GSG1L2: variants seen among roughly 807,000 people sequenced by gnomAD.
GSG1L2 encodes the protein germ cell-specific gene 1-like protein 2.
A neutral mutation model predicts 9.0 loss-of-function variants in GSG1L2; 15 were observed. The ratio of observed to expected loss-of-function variants is 1.67; its 90% confidence interval spans 1.12 to 2.57. GSG1L2 has a LOEUF of 2.57. Ranked by LOEUF, GSG1L2 falls within the 30% of genes most tolerant of loss-of-function variation. The pLI, the probability that GSG1L2 is intolerant of heterozygous loss-of-function variation, is 0.00. For synonymous variants in GSG1L2, 127 were observed against 57.9 expected, an observed-to-expected ratio of 2.19 and a Z score of -5.41; for missense variants, 286 against 150.3, an observed-to-expected ratio of 1.90 and a Z score of -4.72.
intron 1 of GSG1L2, among the ~76,000 whole-genome samples, chr17:9,818,501 A>ATTTTTTTTT (rs377057350): frequency 5.4e-4 from 45 of 82,798 alleles, no homozygotes; most frequent in East Asian, 7.6e-4. Flanking sequence ...ACACAGCTAA[A>ATTTTTTTTT]TTTTTTTTTT....
At chr17:9,812,319 G>A (rs1253848129) in intron 1 of GSG1L2, among the ~76,000 whole-genome samples, 1 of 151,900 alleles carries the variant, frequency 6.6e-6, no homozygotes, top group African/African-American at 2.4e-5. Flanking sequence ...TCCTATTCAA[G>A]AACTCTCTAT....
chr17:9,807,987 T>A (rs2066522690), intron 3 of GSG1L2: 1 of 182,606 alleles, frequency 5.5e-6, no homozygotes, highest in African/African-American at 2.3e-5. Context: ...AGCTCAGGGG[T>A]TTGAGACCAC....
At chr17:9,808,293 T>C (rs955203030) in intron 3 of GSG1L2, among the ~76,000 whole-genome samples, 4 of 152,050 alleles carry the variant, frequency 2.6e-5, no homozygotes, top group Admixed American at 2.6e-4. Flanking sequence ...AACACAGAAG[T>C]AGATCTAAAA....
chr17:9,811,988 C>G (rs2066540898), intron 1 of GSG1L2, among the ~76,000 whole-genome samples: 1 of 152,116 alleles, frequency 6.6e-6, no homozygotes, highest in Non-Finnish European at 1.5e-5. Flanking sequence ...AGTCACTTAT[C>G]ACTTATCACT....
At position 9,817,268 on chromosome 17, in the gene GSG1L2, A is replaced by G. The variant is rs148754210; in HGVS notation, c.310+4494T>C. Reference sequence around the variant, plus strand: ...CCAGTTCCACACTTTCCTCAAGCCCAGCCCATGCGGATTTTTCCTGCCAGC... The same window carrying G: ...CCAGTTCCACACTTTCCTCAAGCCCGGCCCATGCGGATTTTTCCTGCCAGC... On this transcript the variant is annotated intron_variant, in intron 1 of 4. Transcript: ENST00000399363. 5.9e-5 allele frequency among the ~76,000 whole-genome samples: 9 copies of G among 152,208 alleles called. No homozygotes were observed. The East Asian group carries it at 1.7e-3, about 29-fold the overall frequency.
At chr17:9,819,598 C>T (rs72822139) in intron 1 of GSG1L2, among the ~76,000 whole-genome samples, 20,371 of 152,128 alleles carry the variant, frequency 0.13, 1,563 homozygotes, top group South Asian at 0.23. Flanking sequence ...CATCTCTTGT[C>T]TATGAGTAAA....
Position 9,802,590 on chromosome 17 carries a change from G to T in GSG1L2, c.678C>A (p.Ser226Arg), listed in dbSNP as rs1441218745. ...ATTCCAGGCGGGCTGCCGTGAACCT[G>T]CTCATGGCCGAGACCGACACAGCCA... ...LCLAVSVSAM[S>R]RFTAARLEFT... is the part of the protein sequence containing the mutation. The change falls in exon 5 of 5, where the codon AGC (serine) becomes AGA (arginine). Residue 226 changes from serine (S) to arginine (R), a missense_variant. Coordinates refer to ENST00000399363, the MANE Select transcript of GSG1L2 (RefSeq NM_001310219.2). The T allele has an allele frequency of 1.4e-6, 1 of 702,810 alleles. No homozygotes were observed. The highest frequency in any genetic ancestry group is 2.6e-6 in the Non-Finnish European group (1 of 385,002). The allele number at this position is 702,810 out of a possible 1,614,324, so 43.5% of individuals were successfully genotyped here. A position where few individuals can be genotyped will look rare whatever the true frequency, so the allele number is the denominator to read the frequency against.
At chr17:9,807,756 C>T (rs779809168) in intron 3 of GSG1L2, 155 bp from the exon 4 acceptor site, 122 of 596,176 alleles carry the variant, frequency 2.0e-4, no homozygotes, top group Non-Finnish European at 2.9e-4. Context: ...CTGGACATCT[C>T]TTTCCCACAA....
chr17:9,806,102 A>C (rs1258688614), intron 4 of GSG1L2, among the ~76,000 whole-genome samples: 1 of 152,204 alleles, frequency 6.6e-6, no homozygotes, highest in African/African-American at 2.4e-5. Context: ...TTTTCTGAAC[A>C]TGCATCTTGT....
intron 2 of GSG1L2, chr17:9,810,216 C>T (rs1037700969): frequency 4.7e-5 from 15 of 318,448 alleles, no homozygotes; most frequent in African/African-American, 3.2e-4. Context: ...AAAAACTGCT[C>T]TAGGCAGTGG....
At chr17:9,813,065 G>C (rs1326630987) in intron 1 of GSG1L2, among the ~76,000 whole-genome samples, 1 of 152,204 alleles carries the variant, frequency 6.6e-6, no homozygotes, top group Non-Finnish European at 1.5e-5. Flanking sequence ...ATTGGGGTTA[G>C]GGTTTCAGCA....
rs2066523714 is a variant in GSG1L2, at chr17:9,808,274, T to C, written c.511+556A>G. On this transcript the variant is annotated intron_variant, in intron 3 of 4. Transcript: ENST00000399363. ...GACCCGATTAAGTGGCTTTAAAAGT[T>C]GCTTGGAGAACACAGAAGTAGATCT... is the stretch of plus-strand genomic sequence containing the variant. 4.6e-5 allele frequency among the ~76,000 whole-genome samples: 7 copies of C among 152,276 alleles called. No homozygotes were observed. In the South Asian group the frequency reaches 1.4e-3, roughly 32 times the overall value.
intron 3 of GSG1L2, 193 bp from the exon 4 acceptor site, chr17:9,807,794 C>A (rs922491046): frequency 1.3e-5 from 7 of 540,064 alleles, no homozygotes; most frequent in Non-Finnish European, 2.4e-5. Context: ...TCCGGAAAGA[C>A]ACAATCGGGG....
At position 9,821,901 on chromosome 17, in the gene GSG1L2, C is replaced by T; in HGVS notation, c.171G>A (p.Arg57=). The change falls in exon 1 of 5, where the codon CGG becomes CGA. Residue 57 remains arginine, a synonymous_variant. Transcript: ENST00000399363. ...PGGQHCIHFK[R]DNSSNGRMDN... ...CCATCCTGCCATTGCTGCTGTTGTC[C>T]CGTTTGAAGTGAATGCAGTGCTGCC... The T allele has an allele frequency of 1.4e-6, 1 of 703,316 alleles. No homozygotes were observed. The highest frequency in any genetic ancestry group is 2.0e-5 in the Admixed American group (1 of 50,024). The allele number at this position is 703,316 out of a possible 1,614,324, so 43.6% of individuals were successfully genotyped here.
At chr17:9,817,013 A>G (rs2066570404) in intron 1 of GSG1L2, among the ~76,000 whole-genome samples, 1 of 151,926 alleles carries the variant, frequency 6.6e-6, no homozygotes, top group Non-Finnish European at 1.5e-5. Flanking sequence ...AAAGAGCCTC[A>G]CACATCTCTC....
intron 1 of GSG1L2, among the ~76,000 whole-genome samples, chr17:9,818,363 C>T (rs540052025): frequency 5.3e-5 from 8 of 152,112 alleles, no homozygotes; most frequent in South Asian, 2.1e-4. Flanking sequence ...GATGGAGTTT[C>T]GCTCTTGTTG....
intron 1 of GSG1L2, among the ~76,000 whole-genome samples, chr17:9,814,776 G>C (rs116154533): frequency 0.011 from 1,726 of 152,222 alleles, 37 homozygotes; most frequent in African/African-American, 0.039. Flanking sequence ...CGATCCCTCC[G>C]TACCTGACTC....
At chr17:9,816,396 CTGTG>C (rs879490600) in intron 1 of GSG1L2, among the ~76,000 whole-genome samples, 87 of 141,784 alleles carry the variant, frequency 6.1e-4, no homozygotes, top group Middle Eastern at 4.0e-3. Flanking sequence ...GTGTCTGTGT[CTGTG>C]TGTGTGTGTG....
intron 1 of GSG1L2, among the ~76,000 whole-genome samples, chr17:9,817,082 G>A (rs529780635): frequency 8.2e-6 from 1 of 121,648 alleles, no homozygotes; most frequent in African/African-American, 3.1e-5. Flanking sequence ...CCACACACAC[G>A]CTGAGTTACA....
Sources: gnomAD v4.1 joint callset for allele counts (sites outside exome capture counted in the v4.1 genomes callset) on GRCh38, gnomAD v4.1.1 for gene constraint, MANE v1.5 for transcripts, NCBI Gene and HGNC (gene_info 2026-07-23, HGNC 2026-07-21) for gene names.